Variants in UNC13C observed in about 807,000 individuals in gnomAD.
UNC13C encodes protein unc-13 homolog C.
A neutral mutation model predicts 245.4 loss-of-function variants in UNC13C; 174 were observed. The observed-to-expected ratio is 0.71, with a 90% confidence interval of 0.63 to 0.80. The LOEUF (loss-of-function observed/expected upper bound fraction) is 0.80. Among genes scored for constraint, UNC13C ranks in the 30% least tolerant of loss-of-function variants. The probability of loss-of-function intolerance (pLI) is 0.00; values close to 1 mark genes in which losing one functional copy is unlikely to be tolerated. For missense variants in UNC13C, 2,829 were observed against 2,602.9 expected, an observed-to-expected ratio of 1.09 and a Z score of -1.89; for synonymous variants, 992 against 895.1, an observed-to-expected ratio of 1.11 and a Z score of -1.93.
Position 54,015,154 on chromosome 15 carries a change from C to G in UNC13C, c.2251C>G (p.Gln751Glu), listed in dbSNP as rs1204975231. 2 of 1,612,228 alleles carry G rather than the reference C, an allele frequency of 1.2e-6. No homozygotes were observed. The highest frequency in any genetic ancestry group is 2.7e-5 in the African/African-American group (2 of 75,018). ...YQGANSNELY[Q>E]NQNQLSMMYR... is the part of the protein sequence containing the mutation. Reference sequence around the variant, plus strand: ...GGGAGCTAATTCTAATGAGCTATACCAAAATCAAAACCAGTTGTCCATGAT... The same window carrying G: ...GGGAGCTAATTCTAATGAGCTATACGAAAATCAAAACCAGTTGTCCATGAT... Residue 751 changes from glutamine to glutamate, a missense_variant, in exon 2 of 33, where the codon CAA becomes GAA. Gln to Glu is a conservative substitution (Grantham distance 29). Coordinates refer to ENST00000260323, the MANE Select transcript of UNC13C (RefSeq NM_001080534.3).
chr15:54,442,424 T>A (rs1567275086), intron 19 of UNC13C, among the ~76,000 whole-genome samples: 1 of 151,968 alleles, frequency 6.6e-6, no homozygotes, highest in Non-Finnish European at 1.5e-5. Context: ...GGTTTCACAA[T>A]GTTGGCTAGG....
Position 54,627,186 on chromosome 15 carries a change from G to A in UNC13C, c.*73G>A, listed in dbSNP as rs1017477197. ...CATGCATGTGCAAATACATGGGAAT[G>A]TTTAGTTCACTACATTTCAATGTTT... On this transcript the variant is annotated 3_prime_UTR_variant, in exon 33 of 33. Coordinates refer to ENST00000260323, the MANE Select transcript of UNC13C (RefSeq NM_001080534.3). 5 of 1,418,136 alleles carry A rather than the reference G, an allele frequency of 3.5e-6. No homozygotes were observed. In the African/African-American group the frequency reaches 7.1e-5, roughly 20 times the overall value. The allele number at this position is 1,418,136 out of a possible 1,614,324, so 87.8% of individuals were successfully genotyped here.
chr15:54,537,380 C>G (rs534974008), intron 26 of UNC13C, among the ~76,000 whole-genome samples: 202 of 151,862 alleles, frequency 1.3e-3, no homozygotes, highest in African/African-American at 4.6e-3. Context: ...GATAGGAAGA[C>G]TCAATATTGT....
At chr15:54,392,863 G>A (rs773640798) in intron 17 of UNC13C, among the ~76,000 whole-genome samples, 185 bp from the exon 18 acceptor site, 10 of 151,888 alleles carry the variant, frequency 6.6e-5, no homozygotes, top group Non-Finnish European at 1.0e-4. Context: ...CCAGGCCACT[G>A]TGAGTTTATT....
At chr15:54,156,483 G>C (rs1334519098) in intron 4 of UNC13C, among the ~76,000 whole-genome samples, 1 of 152,140 alleles carries the variant, frequency 6.6e-6, no homozygotes, top group African/African-American at 2.4e-5. Flanking sequence ...ACTTGAAACA[G>C]TTATTCCAGA....
chr15:53,999,639 A>G (rs1437927395), intron 1 of UNC13C, among the ~76,000 whole-genome samples: 1 of 151,898 alleles, frequency 6.6e-6, no homozygotes, highest in African/African-American at 2.4e-5. Flanking sequence ...GACAGCTTCT[A>G]AAGGTGAAAT....
intron 11 of UNC13C, among the ~76,000 whole-genome samples, chr15:54,297,332 T>G (rs1274921350): frequency 1.3e-5 from 2 of 151,404 alleles, no homozygotes; most frequent in Admixed American, 1.3e-4. Flanking sequence ...TTAATTGTAT[T>G]TAGGGGAATC....
At chr15:54,560,561 T>G (rs1172367132) in intron 29 of UNC13C, among the ~76,000 whole-genome samples, 2 of 151,950 alleles carry the variant, frequency 1.3e-5, no homozygotes, top group African/African-American at 4.8e-5. Context: ...CATATATAGC[T>G]CCTTCCTACC....
At chr15:54,062,328 A>G (rs1356167602) in intron 2 of UNC13C, among the ~76,000 whole-genome samples, 1 of 151,768 alleles carries the variant, frequency 6.6e-6, no homozygotes, top group Non-Finnish European at 1.5e-5. Context: ...AGTCTCAAAA[A>G]AAAAAAAAAA....
At chr15:54,629,666 T>TATAA (rs940820180), downstream of UNC13C, 1 of 152,198 alleles carries the variant, frequency 6.6e-6, no homozygotes, top group Non-Finnish European at 1.5e-5. Context: ...AGATTTATGT[T>TATAA]ATAAATATTT....
the UNC13C span, among the ~76,000 whole-genome samples, chr15:53,899,566 C>G: frequency 6.6e-6 from 1 of 152,110 alleles, no homozygotes; most frequent in African/African-American, 2.4e-5. Context: ...AAAATGAGCG[C>G]TTAGCTGAAA....
At position 54,435,427 on chromosome 15, in the gene UNC13C, A is replaced by G. The variant is rs377657842; in HGVS notation, c.4933+20360A>G. ...AAAGGATGAGTTTATGTCCTTTGCA[A>G]GGACATAGATGACACTGGAAACTAT... On this transcript the variant is annotated intron_variant, in intron 19 of 32. Coordinates refer to ENST00000260323, the MANE Select transcript of UNC13C (RefSeq NM_001080534.3). Among the ~76,000 whole-genome samples, 61 of 152,162 alleles carry G rather than the reference A, an allele frequency of 4.0e-4. No individual in the cohort carries two copies. The East Asian group carries it at 5.8e-3, about 14-fold the overall frequency.
At chr15:53,894,081 T>C in the UNC13C span, among the ~76,000 whole-genome samples, 1 of 152,172 alleles carries the variant, frequency 6.6e-6, no homozygotes, top group Non-Finnish European at 1.5e-5. Context: ...ACGACTTCCC[T>C]TGGATAGGGG....
intron 2 of UNC13C, among the ~76,000 whole-genome samples, chr15:54,111,045 C>G (rs1001008560): frequency 6.6e-6 from 1 of 152,240 alleles, no homozygotes; most frequent in Non-Finnish European, 1.5e-5. Context: ...ATAATGCACA[C>G]TACAAAATTT....
intron 1 of UNC13C, among the ~76,000 whole-genome samples, chr15:54,008,718 G>C (rs1350722602): frequency 6.6e-6 from 1 of 152,142 alleles, no homozygotes. Flanking sequence ...ACTTCAGAGA[G>C]AGGAGTAGGT....
intron 28 of UNC13C, among the ~76,000 whole-genome samples, chr15:54,554,614 C>T (rs186818849): frequency 6.6e-5 from 10 of 152,138 alleles, no homozygotes; most frequent in Non-Finnish European, 7.4e-5. Flanking sequence ...CAATATATCT[C>T]ATTCTCTGCG....
At chr15:54,572,187 C>G (rs1897786131) in intron 30 of UNC13C, among the ~76,000 whole-genome samples, 1 of 151,964 alleles carries the variant, frequency 6.6e-6, no homozygotes, top group South Asian at 2.1e-4. Flanking sequence ...GCCCTGACCT[C>G]TATGTACACC....
chr15:54,490,715 A>G (rs1219499126), intron 19 of UNC13C, among the ~76,000 whole-genome samples: 1 of 151,958 alleles, frequency 6.6e-6, no homozygotes, highest in Non-Finnish European at 1.5e-5. Context: ...ACTTACCACC[A>G]AAATATTTAA....
the UNC13C span, among the ~76,000 whole-genome samples, chr15:53,938,253 C>T: frequency 6.6e-6 from 1 of 151,912 alleles, no homozygotes; most frequent in Admixed American, 6.6e-5. Flanking sequence ...GACTTTAAAC[C>T]AATAAAGATA....
Sources: gnomAD v4.1 joint callset for allele counts (sites outside exome capture counted in the v4.1 genomes callset) on GRCh38, gnomAD v4.1.1 for gene constraint, MANE v1.5 for transcripts, NCBI Gene and HGNC (gene_info 2026-07-23, HGNC 2026-07-21) for gene names.